Variants in RNF214 observed in about 807,000 individuals in gnomAD.
The protein encoded by RNF214 is ring finger protein 214.
Under a neutral mutation model 75.9 loss-of-function variants are expected in RNF214, and 25 were observed. The observed-to-expected ratio is 0.33, with a 90% confidence interval of 0.24 to 0.46. RNF214 has a LOEUF of 0.46. Ranked by LOEUF, RNF214 falls within the 20% of genes least tolerant of loss-of-function variation. The probability of loss-of-function intolerance (pLI) is 1.00; values close to 1 mark genes in which losing one functional copy is unlikely to be tolerated. For synonymous variants in RNF214, 314 were observed against 308.8 expected, an observed-to-expected ratio of 1.02 and a Z score of -0.18; for missense variants, 725 against 857.5, an observed-to-expected ratio of 0.85 and a Z score of 1.93.
Position 117,280,023 on chromosome 11 carries a change from A to G in RNF214, c.1056+19A>G. The G allele has an allele frequency of 6.3e-7, 1 of 1,588,426 alleles. No homozygotes were observed. The highest frequency in any genetic ancestry group is 8.6e-7 in the Non-Finnish European group (1 of 1,160,892). On this transcript the variant is annotated intron_variant, in intron 7 of 14. Transcript: ENST00000300650. ...GGCAGAGGTGAGAAGAGGAGCTGAT[A>G]TCTTGAAAGTCTTAGTTTCAGGCTT...
chr11:117,236,267 A>AT (rs970639704), intron 2 of RNF214, among the ~76,000 whole-genome samples: 11 of 141,820 alleles, frequency 7.8e-5, no homozygotes, highest in Non-Finnish European at 1.5e-4. Flanking sequence ...AGCTCCGTCA[A>AT]TTTTTTTGTT....
At chr11:117,283,435 A>G (rs1235851951) in intron 14 of RNF214, among the ~76,000 whole-genome samples, 1 of 151,812 alleles carries the variant, frequency 6.6e-6, no homozygotes, top group Non-Finnish European at 1.5e-5. Context: ...ATCTCAGCTC[A>G]CCGCAACCTC....
At chr11:117,233,847 T>C (rs1251006126) in intron 1 of RNF214, among the ~76,000 whole-genome samples, 1 of 152,210 alleles carries the variant, frequency 6.6e-6, no homozygotes, top group Non-Finnish European at 1.5e-5. Flanking sequence ...ATGCTTTGAA[T>C]GTAACAGCCA....
intron 3 of RNF214, 154 bp from the exon 4 acceptor site, chr11:117,239,647 C>A (rs552503860): frequency 3.1e-6 from 2 of 636,160 alleles, no homozygotes; most frequent in African/African-American, 3.7e-5. Flanking sequence ...TGTTGGTGTC[C>A]GTTTGCCAGA....
At chr11:117,284,946 A>G (rs901426591) in intron 14 of RNF214, 140 bp from the exon 15 acceptor site, 3 of 620,346 alleles carry the variant, frequency 4.8e-6, no homozygotes, top group African/African-American at 3.7e-5. Context: ...AGAAAAAAGA[A>G]CAGCAACAAA....
At chr11:117,237,738 G>A (rs2032948611) in intron 2 of RNF214, among the ~76,000 whole-genome samples, 1 of 152,118 alleles carries the variant, frequency 6.6e-6, no homozygotes, top group Non-Finnish European at 1.5e-5. Flanking sequence ...CTAATGTTAA[G>A]CATATGTATA....
chr11:117,248,285 C>G (rs2033282981), intron 6 of RNF214, among the ~76,000 whole-genome samples: 1 of 152,092 alleles, frequency 6.6e-6, no homozygotes, highest in Admixed American at 6.6e-5. Context: ...ACCGTGTTAG[C>G]CAGGATGGTC....
At chr11:117,282,878 G>T in intron 13 of RNF214, 28 bp downstream of exon 13, 1 of 1,535,718 alleles carries the variant, frequency 6.5e-7, no homozygotes, top group Non-Finnish European at 9.0e-7. Context: ...TGAACACTGT[G>T]ATATGGAGAA....
intron 4 of RNF214, among the ~76,000 whole-genome samples, chr11:117,240,309 G>A (rs556976225): frequency 6.6e-6 from 1 of 150,568 alleles, no homozygotes; most frequent in African/African-American, 2.5e-5. Flanking sequence ...CAAGGAGGTC[G>A]AGGCTGTGTG....
At chr11:117,263,598 C>T (rs1456936649) in intron 6 of RNF214, among the ~76,000 whole-genome samples, 3 of 152,140 alleles carry the variant, frequency 2.0e-5, no homozygotes, top group Non-Finnish European at 2.9e-5. Context: ...ATTATGTGTG[C>T]ATGCGTGCAT....
chr11:117,242,455 C>T (rs1185669237), intron 4 of RNF214, among the ~76,000 whole-genome samples: 1 of 152,142 alleles, frequency 6.6e-6, no homozygotes, highest in Non-Finnish European at 1.5e-5. Flanking sequence ...GTAGATGAAA[C>T]AGGAACGAAT....
chr11:117,266,859 CTTTTTT>C (rs36064361), intron 6 of RNF214, among the ~76,000 whole-genome samples: 3 of 128,850 alleles, frequency 2.3e-5, no homozygotes, highest in South Asian at 2.3e-4. Context: ...TCTTCTTTTT[CTTTTTT>C]TTTTTTTGAG....
chr11:117,285,227 A>T lies in RNF214; in HGVS notation c.*76A>T. The T allele has an allele frequency of 1.0e-6, 1 of 962,774 alleles. No homozygotes were observed. Among genetic ancestry groups the T allele is most frequent in the Non-Finnish European group, 1.7e-6 (1 of 590,412 alleles). The allele number at this position is 962,774 out of a possible 1,614,324, so 59.6% of individuals were successfully genotyped here. The stretch of plus-strand genomic sequence containing the variant: ...GCGGGTTCAAGATTTCTAAAACTCT[A>T]TATTTATACAGTGACATATACTCAT... On this transcript the variant is annotated 3_prime_UTR_variant, in exon 15 of 15. Coordinates refer to ENST00000300650, the MANE Select transcript of RNF214 (RefSeq NM_207343.4).
chr11:117,255,797 C>T (rs189983439), intron 6 of RNF214, among the ~76,000 whole-genome samples: 21 of 152,256 alleles, frequency 1.4e-4, no homozygotes, highest in South Asian at 6.2e-4. Context: ...AAGGTGGGCT[C>T]CTAAACTTTC....
chr11:117,262,615 C>T (rs1788673361), intron 6 of RNF214, among the ~76,000 whole-genome samples: 1 of 151,530 alleles, frequency 6.6e-6, no homozygotes, highest in African/African-American at 2.4e-5. Flanking sequence ...CTCCTGGCCG[C>T]AAGTGATCCT....
chr11:117,239,713 T>G (rs746872178), intron 3 of RNF214, 88 bp from the exon 4 acceptor site: 169 of 748,606 alleles, frequency 2.3e-4, no homozygotes, highest in Middle Eastern at 8.9e-4. Flanking sequence ...AAAAGTTAGT[T>G]ACCTGTGGCG....
rs182614281 is a variant in RNF214, at chr11:117,247,242, C to T, written c.959+294C>T. Among the ~76,000 whole-genome samples, 166 of 152,274 alleles carry T rather than the reference C, an allele frequency of 1.1e-3. 1 individual carries two copies. The highest frequency in any genetic ancestry group is 3.0e-3 in the African/African-American group (125 of 41,550). ...TAGCGGCTCACACCTATAATCCCAG[C>T]GCTTTGGGACACCAAGGTGGGAAGA... On this transcript the variant is annotated intron_variant, in intron 6 of 14. Coordinates refer to ENST00000300650, the MANE Select transcript of RNF214 (RefSeq NM_207343.4).
At chr11:117,259,364 C>G (rs917671058) in intron 6 of RNF214, among the ~76,000 whole-genome samples, 9 of 152,166 alleles carry the variant, frequency 5.9e-5, no homozygotes, top group Non-Finnish European at 1.2e-4. Context: ...ATGAATAAAG[C>G]TGCTATGAAC....
intron 6 of RNF214, among the ~76,000 whole-genome samples, chr11:117,258,003 A>G (rs945199114): frequency 2.0e-5 from 3 of 152,184 alleles, no homozygotes; most frequent in Non-Finnish European, 4.4e-5. Flanking sequence ...GGATTCAACA[A>G]TTAATATTCT....
Sources: allele counts gnomAD v4.1 joint callset (sites outside exome capture counted in the v4.1 genomes callset), GRCh38; gene constraint gnomAD v4.1.1; transcripts MANE v1.5; gene names NCBI Gene and HGNC (gene_info 2026-07-23, HGNC 2026-07-21).